Variants in NPC1 observed in about 807,000 individuals in gnomAD.
NPC1 encodes NPC intracellular cholesterol transporter 1.
Under a neutral mutation model 140.4 loss-of-function variants are expected in NPC1, and 85 were observed. The observed-to-expected ratio is 0.61, with a 90% CI of 0.51 to 0.72. The LOEUF (loss-of-function observed/expected upper bound fraction) is 0.72, where lower values mean the gene tolerates loss of function less well. Among genes scored for constraint, NPC1 ranks in the 30% least tolerant of loss-of-function variants. NPC1 has a pLI of 0.00. For synonymous variants in NPC1, 656 were observed against 624.8 expected (o/e 1.05, Z -0.74); for missense variants, 1,504 against 1,623.8 (o/e 0.93, Z 1.27).
At chr18:23,515,106 G>A (rs866690459) in intron 3 of NPC1, among the ~76,000 whole-genome samples, 12 of 152,118 alleles carry the variant, frequency 7.9e-5, no homozygotes, top group African/African-American at 2.7e-4. Context: ...GGAGGTGGCC[G>A]AGTTAACACA....
rs186382973 is a variant in NPC1, at chr18:23,534,320, G to A, written c.3591+126C>T. 46 of 730,080 alleles carry A rather than the reference G, an allele frequency of 6.3e-5. No homozygotes were observed. In the African/African-American group the frequency reaches 7.4e-4, roughly 12 times the overall value. 45.2% of individuals were successfully genotyped at this position (730,080 alleles called of 1,614,324 possible). A position where few individuals can be genotyped will look rare whatever the true frequency, so the allele number is the denominator to read the frequency against. On this transcript the variant is annotated intron_variant, in intron 23 of 24. Transcript: ENST00000269228. The stretch of plus-strand genomic sequence containing the variant: ...GTCCACGATGTGGCAGCTAATTCAT[G>A]AATTGCCTGAAAGCTTGCAATCCTT...
chr18:23,560,206 C>G, intron 6 of NPC1, 25 bp downstream of exon 6: 1 of 1,613,740 alleles, frequency 6.2e-7, no homozygotes, highest in Non-Finnish European at 8.5e-7. Flanking sequence ...TCTTTTTGCC[C>G]TGGATGACAA....
At position 23,556,811 on chromosome 18, in the gene NPC1, C is replaced by T. The variant is rs2058960167; in HGVS notation, c.956-198G>A. On this transcript the variant is annotated intron_variant, in intron 7 of 24. Transcript: ENST00000269228. ...GGCTGCCCTCAATGAGCGCTATTCC[C>T]ACCCCACAGAGGAGATGCCGACACA... 26 of 823,570 alleles carry T rather than the reference C, an allele frequency of 3.2e-5. No homozygotes were observed. In the East Asian group the frequency reaches 6.6e-4, roughly 21 times the overall value. The allele number at this position is 823,570 out of a possible 1,614,324, so 51.0% of individuals were successfully genotyped here. A position where few individuals can be genotyped will look rare whatever the true frequency, so the allele number is the denominator to read the frequency against.
downstream of NPC1, chr18:23,526,801 T>C: frequency 6.2e-7 from 1 of 1,608,414 alleles, no homozygotes; most frequent in Non-Finnish European, 8.5e-7. Flanking sequence ...CTGATTCCAG[T>C]GTGAGGCCTG....
intron 6 of NPC1, among the ~76,000 whole-genome samples, chr18:23,559,532 C>T (rs1298150275): frequency 7.7e-5 from 10 of 129,430 alleles, no homozygotes; most frequent in South Asian, 2.5e-4. Context: ...GACACAGTCT[C>T]GCACTGTCGC....
At position 23,531,808 on chromosome 18, in the gene NPC1, A is replaced by G; in HGVS notation, c.*394T>C. The G allele has an allele frequency of 6.6e-7, 1 of 1,512,022 alleles. No individual in the cohort carries two copies. The highest frequency in any genetic ancestry group is 2.4e-5 in the East Asian group (1 of 42,442). 93.7% of individuals were successfully genotyped at this position (1,512,022 alleles called of 1,614,324 possible). ...TGTTATAAAGTGTATCTACAACCTC[A>G]ACTGTCACTAAAAATATGGTATAGA... is the stretch of plus-strand genomic sequence containing the variant. On this transcript the variant is annotated 3_prime_UTR_variant, in exon 25 of 25. Coordinates refer to ENST00000269228, the MANE Select transcript of NPC1 (RefSeq NM_000271.5).
rs367654655 is a variant in NPC1, at chr18:23,541,342, G to T, written c.2337C>A (p.Phe779Leu). 1 of 1,614,098 alleles carries T rather than the reference G, an allele frequency of 6.2e-7. No individual in the cohort carries two copies. The highest frequency in any genetic ancestry group is 1.1e-5 in the South Asian group (1 of 91,090). ...TAATGTCTAACCCCAAGAGACTCAC[G>T]AAACAGGTAATCTGCAGAAGAAAGT... ...FIDFLLQITC[F>L]VSLLGLDIKR... The change falls in exon 15 of 25, where the codon TTC becomes TTA. Residue 779 changes from phenylalanine (F) to leucine (L), a missense_variant. Phe to Leu is a conservative substitution (Grantham distance 22). Coordinates refer to ENST00000269228, the MANE Select transcript of NPC1 (RefSeq NM_000271.5).
chr18:23,532,180 G>A lies in NPC1; in HGVS notation c.*22C>T. On this transcript the variant is annotated 3_prime_UTR_variant, in exon 25 of 25. Transcript: ENST00000269228. Reference sequence around the variant, plus strand: ...CCGACCGACCCTTAGACACAGTTCAGTCAGGATGCCCTGCGAGAGGGCTAG... The same window carrying A: ...CCGACCGACCCTTAGACACAGTTCAATCAGGATGCCCTGCGAGAGGGCTAG... The A allele has an allele frequency of 6.2e-7, 1 of 1,614,154 alleles. No individual in the cohort carries two copies. The highest frequency in any genetic ancestry group is 8.5e-7 in the Non-Finnish European group (1 of 1,180,040).
intron 10 of NPC1, 100 bp from the exon 11 acceptor site, chr18:23,548,208 C>T: frequency 2.6e-6 from 2 of 764,522 alleles, no homozygotes; most frequent in South Asian, 2.7e-5. Context: ...CTCACTGGAG[C>T]TATGGACTGT....
chr18:23,508,219 T>A (rs2057761692), intron 3 of NPC1, among the ~76,000 whole-genome samples: 1 of 152,210 alleles, frequency 6.6e-6, no homozygotes, highest in Non-Finnish European at 1.5e-5. Flanking sequence ...AACAGTTTTC[T>A]AAGTTTGAAA....
At position 23,544,524 on chromosome 18, in the gene NPC1, C is replaced by T; in HGVS notation, c.1950G>A (p.Val650=). ...GHMKSCRRLL[V]DSKVSLGIAG... ...CGATGCCTAGTGAGACCTTCGAATC[C>T]ACCTGAGAGAGGCGACAGACACAAT... is the stretch of plus-strand genomic sequence containing the variant. The change falls in exon 13 of 25, where the codon GTG becomes GTA. Residue 650 remains valine, a splice_region_variant and synonymous_variant. Transcript: ENST00000269228. 1 of 1,614,138 alleles carries T rather than the reference C, an allele frequency of 6.2e-7. No homozygotes were observed. The highest frequency in any genetic ancestry group is 8.5e-7 in the Non-Finnish European group (1 of 1,180,002).
downstream of NPC1, among the ~76,000 whole-genome samples, chr18:23,525,420 TATAATA>T (rs527599580): frequency 2.3e-3 from 343 of 151,764 alleles, no homozygotes; most frequent in African/African-American, 7.1e-3. Context: ...GTTAATTTAT[TATAATA>T]ATAATAATAA....
chr18:23,570,904 C>T (rs755520707), intron 3 of NPC1, among the ~76,000 whole-genome samples: 9 of 152,178 alleles, frequency 5.9e-5, no homozygotes, highest in South Asian at 2.1e-4. Flanking sequence ...GAGGACCTGA[C>T]TCTATCACAA....
intron 9 of NPC1, among the ~76,000 whole-genome samples, chr18:23,553,952 A>G (rs1184555106): frequency 6.6e-6 from 1 of 152,212 alleles, no homozygotes; most frequent in Non-Finnish European, 1.5e-5. Flanking sequence ...ACTGGGCTAT[A>G]TATCTGAGAC....
At chr18:23,565,762 C>A (rs1598996013) in intron 4 of NPC1, among the ~76,000 whole-genome samples, 1 of 152,300 alleles carries the variant, frequency 6.6e-6, no homozygotes, top group African/African-American at 2.4e-5. Flanking sequence ...TGCAAGTGTA[C>A]AGAAATACAA....
downstream of NPC1, chr18:23,529,044 G>A: frequency 3.6e-6 from 5 of 1,407,084 alleles, no homozygotes; most frequent in Non-Finnish European, 4.7e-6. Flanking sequence ...GGAAAAAGTT[G>A]TATCTAAGTA....
rs774683240 is a variant in NPC1 at position 23,538,683 on chromosome 18, A to G, written c.2912-12T>C. ...GGCAGGGTCAACCACTGGCGGAGACATGCAGGGAGGACTGTTAGAAGAATA... is the reference window on the plus strand; with the variant it reads ...GGCAGGGTCAACCACTGGCGGAGACGTGCAGGGAGGACTGTTAGAAGAATA... On this transcript the variant is annotated splice_polypyrimidine_tract_variant and intron_variant, in intron 19 of 24. Transcript: ENST00000269228. 5 of 1,613,924 alleles carry G rather than the reference A, an allele frequency of 3.1e-6. No homozygotes were observed. The highest frequency in any genetic ancestry group is 4.2e-6 in the Non-Finnish European group (5 of 1,180,016).
At chr18:23,552,026 G>A (rs1279562053) in intron 9 of NPC1, among the ~76,000 whole-genome samples, 1 of 152,214 alleles carries the variant, frequency 6.6e-6, no homozygotes, top group South Asian at 2.1e-4. Flanking sequence ...GGAAGAGACT[G>A]TACAGACCCA....
At chr18:23,577,762 C>A (rs1599020649) in intron 1 of NPC1, among the ~76,000 whole-genome samples, 1 of 152,214 alleles carries the variant, frequency 6.6e-6, no homozygotes, top group Non-Finnish European at 1.5e-5. Context: ...CTGCAGGTCC[C>A]GAGCCCTGCC....
Sources: allele counts gnomAD v4.1 joint callset (sites outside exome capture counted in the v4.1 genomes callset), GRCh38; gene constraint gnomAD v4.1.1; transcripts MANE v1.5; gene names NCBI Gene and HGNC (gene_info 2026-07-23, HGNC 2026-07-21).